The following LSP1 variants were observed in gnomAD, a reference collection of about 807,000 sequenced individuals.
LSP1 encodes the protein lymphocyte specific protein 1.
In LSP1, 32 loss-of-function variants were observed where a neutral mutation model predicts 49.3. The observed-to-expected ratio is 0.65, with a 90% CI of 0.49 to 0.87. The LOEUF (loss-of-function observed/expected upper bound fraction) is 0.87, where lower values mean the gene tolerates loss of function less well. Ranked by LOEUF, LSP1 falls within the 40% of genes least tolerant of loss-of-function variation. The pLI, the probability that LSP1 is intolerant of heterozygous loss-of-function variation, is 0.00. For synonymous variants in LSP1, 179 were observed against 178.8 expected, an observed-to-expected ratio of 1.00 and a Z score of -0.01; for missense variants, 428 against 442.6, an observed-to-expected ratio of 0.97 and a Z score of 0.30.
At position 1,853,182 on chromosome 11, in the gene LSP1, G is replaced by T; in HGVS notation, c.38G>T (p.Arg13Leu). 6.2e-7 allele frequency: 1 copy of T among 1,611,082 alleles called. No individual in the cohort carries two copies. The change falls in exon 1 of 11, where the codon CGG (arginine) becomes CTG (leucine). Residue 13 changes from arginine to leucine, a missense_variant. Physicochemically the swap from Arg to Leu is moderately radical, Grantham distance 102 (BLOSUM62 -2). Transcript: ENST00000311604. Reference protein sequence around the residue: ...EASSDPGAEEREELLGPTAQW... With the variant: ...EASSDPGAEELEELLGPTAQW... ...TCGAGTGACCCGGGTGCCGAGGAGC[G>T]GGAAGAGTTGCTGGGGTAAGGGTCT...
chr11:1,869,497 G>C, intron 1 of LSP1: 1 of 393,828 alleles, frequency 2.5e-6, no homozygotes, highest in African/African-American at 2.1e-5. Context: ...GAAGGGCAGA[G>C]GGAGGGGCTG....
chr11:1,854,219 C>A (rs530398222), intron 1 of LSP1, among the ~76,000 whole-genome samples: 24 of 152,106 alleles, frequency 1.6e-4, no homozygotes, highest in Admixed American at 3.9e-4. Flanking sequence ...GCCTGGTGTG[C>A]GGAAGGGAAG....
rs779836418 is a variant in LSP1 at position 1,853,128 on chromosome 11, G to T, written c.-17G>T. On this transcript the variant is annotated 5_prime_UTR_variant, in exon 1 of 11. Transcript: ENST00000311604. ...CAGGGATCTGCCAGCACCCTGTGGG[G>T]CCCAGACTACAGGCTGATGGCGGAG... 7 of 1,607,120 alleles carry T rather than the reference G, an allele frequency of 4.4e-6. No homozygotes were observed. Among genetic ancestry groups the T allele is most frequent in the Non-Finnish European group, 5.9e-6 (7 of 1,177,798 alleles).
chr11:1,853,243 G>T (rs1293992001), intron 1 of LSP1, 46 bp downstream of exon 1: 3 of 1,586,924 alleles, frequency 1.9e-6, no homozygotes, highest in African/African-American at 1.3e-5. Context: ...GTGTCCACGG[G>T]TGCATAGTCC....
intron 10 of LSP1, 49 bp downstream of exon 10, chr11:1,887,625 C>A: frequency 2.7e-6 from 4 of 1,506,814 alleles, no homozygotes; most frequent in Non-Finnish European, 2.8e-6. Context: ...CACACGTGCA[C>A]TGTGCTGGGA....
intron 1 of LSP1, chr11:1,870,914 C>T: frequency 3.0e-6 from 3 of 985,892 alleles, no homozygotes; most frequent in Non-Finnish European, 3.6e-6. Context: ...CCAGGCGCCG[C>T]AGCGCTCCCG....
chr11:1,867,288 CT>C (rs1421581626), intron 1 of LSP1, among the ~76,000 whole-genome samples: 2 of 152,096 alleles, frequency 1.3e-5, no homozygotes, highest in African/African-American at 4.8e-5. Flanking sequence ...CACGTGTGCA[CT>C]AATACACACC....
At chr11:1,889,215 C>T (rs561404940) in intron 10 of LSP1, 80 of 674,998 alleles carry the variant, frequency 1.2e-4, no homozygotes, top group African/African-American at 1.1e-3. Flanking sequence ...CAGGATGGAG[C>T]GGACTGTGGG....
chr11:1,877,600 A>G (rs1182690820), intron 1 of LSP1, among the ~76,000 whole-genome samples: 2 of 152,120 alleles, frequency 1.3e-5, no homozygotes, highest in African/African-American at 4.8e-5. Context: ...CGTTTGCCTC[A>G]CTAAAGTGAG....
At chr11:1,861,100 ACT>A (rs1220557754) in intron 1 of LSP1, among the ~76,000 whole-genome samples, 2 of 152,134 alleles carry the variant, frequency 1.3e-5, no homozygotes, top group Non-Finnish European at 2.9e-5. Flanking sequence ...GGAATTTTGC[ACT>A]CTCTTCCAGG....
intron 1 of LSP1, among the ~76,000 whole-genome samples, chr11:1,874,406 C>T (rs927120680): frequency 6.6e-6 from 1 of 152,084 alleles, no homozygotes; most frequent in African/African-American, 2.4e-5. Context: ...GGGAGCGAGA[C>T]CTCAGGCCCA....
intron 1 of LSP1, chr11:1,859,379 G>T (rs982537536): frequency 6.6e-6 from 1 of 152,508 alleles, no homozygotes; most frequent in African/African-American, 2.4e-5. Flanking sequence ...TCCCTGGCAG[G>T]TGGGACCTCA....
intron 1 of LSP1, among the ~76,000 whole-genome samples, chr11:1,859,196 C>G (rs1847560538): frequency 6.6e-6 from 1 of 152,128 alleles, no homozygotes; most frequent in African/African-American, 2.4e-5. Flanking sequence ...ACGCAGGGGC[C>G]TCTACACACA....
intron 1 of LSP1, among the ~76,000 whole-genome samples, chr11:1,855,587 C>T (rs540417014): frequency 6.6e-6 from 1 of 152,330 alleles, no homozygotes; most frequent in Non-Finnish European, 1.5e-5. Flanking sequence ...CAGGACAGGA[C>T]TGTCCTCTCC....
intron 1 of LSP1, chr11:1,876,576 A>AGGGGGCAGAGTCGGGAC (rs1299014032): frequency 1.0e-6 from 1 of 985,442 alleles, no homozygotes; most frequent in Non-Finnish European, 1.2e-6. Flanking sequence ...AGCTGCCTGC[A>AGGGGGCAGAGTCGGGAC]GGGGGCAGAG....
At position 1,876,910 on chromosome 11, in the gene LSP1, G is replaced by A. The variant is rs1848333342; in HGVS notation, c.54-3177G>A. ...GCCCCGAAGTGGAGCCTGGGACTGT[G>A]AGGGTGCGGGGGTGTGCTGGGGTGG... is the stretch of plus-strand genomic sequence containing the variant. On this transcript the variant is annotated intron_variant, in intron 1 of 10. Transcript: ENST00000311604. Among the ~76,000 whole-genome samples the A allele has an allele frequency of 2.0e-5, 3 of 152,204 alleles. No individual in the cohort carries two copies. In the South Asian group the frequency reaches 6.2e-4, roughly 31 times the overall value.
At chr11:1,877,569 A>C (rs4047077) in intron 1 of LSP1, among the ~76,000 whole-genome samples, 100 of 152,316 alleles carry the variant, frequency 6.6e-4, no homozygotes, top group African/African-American at 2.4e-3. Context: ...TTGTCGGGGC[A>C]ATGGCAAGGC....
intron 1 of LSP1, chr11:1,859,630 T>C (rs1427470197): frequency 6.5e-6 from 1 of 153,866 alleles, no homozygotes; most frequent in Non-Finnish European, 1.5e-5. Flanking sequence ...TTAGACCCAG[T>C]CCCAACCAAA....
chr11:1,880,022 G>A, intron 1 of LSP1, 65 bp from the exon 2 acceptor site: 2 of 1,589,504 alleles, frequency 1.3e-6, no homozygotes, highest in Admixed American at 3.5e-5. Context: ...GTAGATGGGA[G>A]GAATGGGTGC....
Sources: allele counts gnomAD v4.1 joint callset (sites outside exome capture counted in the v4.1 genomes callset), GRCh38; gene constraint gnomAD v4.1.1; transcripts MANE v1.5; gene names NCBI Gene and HGNC (gene_info 2026-07-23, HGNC 2026-07-21).